The following CEP112 variants were observed in gnomAD, a reference collection of about 807,000 sequenced individuals.
CEP112 encodes the protein centrosomal protein 112.
A neutral mutation model predicts 153.0 loss-of-function variants in CEP112; 127 were observed. The observed-to-expected ratio is 0.83, with a 90% CI of 0.72 to 0.96. The LOEUF (loss-of-function observed/expected upper bound fraction) is 0.96. CEP112 is among the 40% of genes least tolerant of loss of function. The pLI is 0.00. For missense variants in CEP112, 1,089 were observed against 1,101.2 expected (o/e 0.99, Z 0.16); for synonymous variants, 358 against 374.4 (o/e 0.96, Z 0.51).
chr17:66,171,729 A>G (rs1178769506), intron 4 of CEP112, among the ~76,000 whole-genome samples: 1 of 152,236 alleles, frequency 6.6e-6, no homozygotes, highest in Non-Finnish European at 1.5e-5. Flanking sequence ...TAAAAACTAC[A>G]AATATCTGTT....
chr17:66,130,006 G>C (rs552305907), intron 5 of CEP112, among the ~76,000 whole-genome samples, 183 bp from the exon 6 acceptor site: 67 of 151,566 alleles, frequency 4.4e-4, no homozygotes, highest in African/African-American at 1.4e-3. Context: ...GGGGAAGGGA[G>C]GGAGAAAAAG....
intron 19 of CEP112, among the ~76,000 whole-genome samples, chr17:65,904,702 A>G (rs960671792): frequency 4.6e-5 from 7 of 152,190 alleles, no homozygotes; most frequent in African/African-American, 1.4e-4. Flanking sequence ...ACTTCAAACT[A>G]TACTATGAGG....
chr17:65,950,379 A>T (rs2061783600), intron 18 of CEP112, among the ~76,000 whole-genome samples: 1 of 152,086 alleles, frequency 6.6e-6, no homozygotes, highest in African/African-American at 2.4e-5. Context: ...ATAGCTCTCC[A>T]CTTACTTAGA....
chr17:66,102,272 C>T (rs1237474125), intron 6 of CEP112, among the ~76,000 whole-genome samples: 2 of 152,010 alleles, frequency 1.3e-5, no homozygotes, highest in African/African-American at 4.8e-5. Context: ...ACTGTAAACA[C>T]CTGAAAATAA....
chr17:65,644,470 C>T (rs957995692), intron 24 of CEP112: 14 of 364,394 alleles, frequency 3.8e-5, no homozygotes, highest in South Asian at 3.2e-4. Flanking sequence ...GGTCTTCTCA[C>T]GTGAAACTGG....
chr17:66,034,505 A>G (rs1391215213), intron 12 of CEP112, among the ~76,000 whole-genome samples: 2 of 152,198 alleles, frequency 1.3e-5, no homozygotes, highest in African/African-American at 4.8e-5. Context: ...GGGTTGAATT[A>G]CACAAATAAA....
At chr17:66,027,603 A>G (rs1290098574) in intron 15 of CEP112, 43 bp from the exon 16 acceptor site, 7 of 1,127,018 alleles carry the variant, frequency 6.2e-6, no homozygotes, top group Non-Finnish European at 8.3e-6. Context: ...TTTAAATTAT[A>G]CTAGAGTCAA....
intron 20 of CEP112, among the ~76,000 whole-genome samples, chr17:65,861,940 T>C (rs2058323762): frequency 6.6e-6 from 1 of 152,234 alleles, no homozygotes; most frequent in Non-Finnish European, 1.5e-5. Flanking sequence ...ATTTGTACCA[T>C]AACTCAACTT....
At chr17:65,682,242 C>T (rs1029922038) in intron 24 of CEP112, among the ~76,000 whole-genome samples, 9 of 150,786 alleles carry the variant, frequency 6.0e-5, no homozygotes, top group Non-Finnish European at 1.0e-4. Context: ...TCCACCCGCC[C>T]CGGCTTCCCA....
intron 21 of CEP112, among the ~76,000 whole-genome samples, chr17:65,798,342 A>G (rs1445397202): frequency 3.9e-5 from 6 of 152,184 alleles, no homozygotes; most frequent in Admixed American, 2.6e-4. Flanking sequence ...GAATTAGTGT[A>G]TACTGGGGAA....
At position 66,132,734 on chromosome 17, in the gene CEP112, A is replaced by C; in HGVS notation, c.500T>G (p.Val167Gly). 6.2e-7 allele frequency: 1 copy of C among 1,613,924 alleles called. No individual in the cohort carries two copies. The highest frequency in any genetic ancestry group is 8.5e-7 in the Non-Finnish European group (1 of 1,179,814). ...SREQYTGKLR[V>G]RSHSLSPTHR... ...AGTTGGACTCAAGGAGTGTGATCTC[A>C]CTCGGAGCTTCCCAGTGTACTGTTC... Residue 167 changes from valine (V) to glycine (G), a missense_variant, in exon 5 of 27, where the codon GTG becomes GGG. By Grantham distance (109) the Val-to-Gly change is moderately radical. Coordinates refer to ENST00000535342, the MANE Select transcript of CEP112 (RefSeq NM_001199165.4).
chr17:65,969,082 A>ATTTT lies in CEP112; in HGVS notation c.1737-7488_1737-7485dup, dbSNP rs199636922. Among the ~76,000 whole-genome samples the ATTTT allele has an allele frequency of 1.2e-3, 170 of 141,380 alleles. 3 individuals carry two copies. Among genetic ancestry groups the ATTTT allele is most frequent in the African/African-American group, 3.8e-3 (145 of 38,190 alleles). 92.8% of individuals were successfully genotyped at this position (141,380 alleles called of 152,430 possible). A position where few individuals can be genotyped will look rare whatever the true frequency, so the allele number is the denominator to read the frequency against. On this transcript the variant is annotated intron_variant, in intron 17 of 26. Coordinates refer to ENST00000535342, the MANE Select transcript of CEP112 (RefSeq NM_001199165.4). Reference sequence around the variant, plus strand: ...GTTTTTTGTTTTTTTGTGTGTGTGGATTTTTTTTTTTTTTTTTGAGACAAT... The same window carrying ATTTT: ...GTTTTTTGTTTTTTTGTGTGTGTGGATTTTTTTTTTTTTTTTTTTTTGAGACAAT...
At chr17:65,678,495 G>C (rs2047344134) in intron 24 of CEP112, among the ~76,000 whole-genome samples, 1 of 152,148 alleles carries the variant, frequency 6.6e-6, no homozygotes, top group Non-Finnish European at 1.5e-5. Flanking sequence ...TAAAATGAAA[G>C]CCAAAACTGT....
chr17:65,906,889 A>T lies in CEP112; in HGVS notation c.1981-4555T>A, dbSNP rs527767820. On this transcript the variant is annotated intron_variant, in intron 19 of 26. Coordinates refer to ENST00000535342, the MANE Select transcript of CEP112 (RefSeq NM_001199165.4). Reference sequence around the variant, plus strand: ...ACATGTTATTTCTACTCAGCGTTATACCAACAAGGATCATTATAATAAAAT... The same window carrying T: ...ACATGTTATTTCTACTCAGCGTTATTCCAACAAGGATCATTATAATAAAAT... Among the ~76,000 whole-genome samples, 4 of 152,330 alleles carry T rather than the reference A, an allele frequency of 2.6e-5. No homozygotes were observed. The East Asian group carries it at 7.7e-4, about 29-fold the overall frequency.
chr17:65,953,427 T>A (rs575377114), intron 18 of CEP112, among the ~76,000 whole-genome samples: 60 of 152,294 alleles, frequency 3.9e-4, no homozygotes, highest in Middle Eastern at 3.4e-3. Flanking sequence ...TACAGGAACA[T>A]AGCAGGAAAG....
chr17:65,767,062 T>G (rs1015250141), intron 21 of CEP112, among the ~76,000 whole-genome samples: 1 of 152,114 alleles, frequency 6.6e-6, no homozygotes, highest in African/African-American at 2.4e-5. Context: ...TATATAACTT[T>G]CTATCCAACA....
At chr17:66,058,043 A>C (rs1386166026) in intron 11 of CEP112, among the ~76,000 whole-genome samples, 1 of 151,940 alleles carries the variant, frequency 6.6e-6, no homozygotes, top group African/African-American at 2.4e-5. Context: ...CAGTGAGCTA[A>C]GATTGCACCA....
At chr17:65,719,681 T>C (rs1175164586) in intron 23 of CEP112, among the ~76,000 whole-genome samples, 1 of 150,512 alleles carries the variant, frequency 6.6e-6, no homozygotes, top group Admixed American at 6.6e-5. Context: ...GTAGGAAGAG[T>C]AGGAGTTGGC....
chr17:65,971,204 CGTAT>C (rs1344156471), intron 17 of CEP112, among the ~76,000 whole-genome samples: 5 of 151,996 alleles, frequency 3.3e-5, no homozygotes, highest in Non-Finnish European at 5.9e-5. Context: ...TCACATTGCA[CGTAT>C]GTATATCACA....
Sources: allele counts gnomAD v4.1 joint callset (sites outside exome capture counted in the v4.1 genomes callset), GRCh38; gene constraint gnomAD v4.1.1; transcripts MANE v1.5; gene names NCBI Gene and HGNC (gene_info 2026-07-23, HGNC 2026-07-21).